Variants in WWOX observed in about 807,000 individuals in gnomAD.
The protein encoded by WWOX is WW domain containing oxidoreductase.
WWOX carries 69 observed loss-of-function variants against 46.2 expected under a neutral mutation model. The observed-to-expected ratio is 1.49, with a 90% CI of 1.23 to 1.82. The LOEUF is 1.82. WWOX is among the 40% of genes most tolerant of loss of function. The pLI, the probability that WWOX is intolerant of heterozygous loss-of-function variation, is 0.00. For synonymous variants in WWOX, 359 were observed against 202.6 expected (o/e 1.77, Z -6.56); for missense variants, 919 against 542.6 (o/e 1.69, Z -6.89).
chr16:78,440,063 C>T (rs1196250121), intron 8 of WWOX, among the ~76,000 whole-genome samples: 1 of 152,204 alleles, frequency 6.6e-6, no homozygotes, highest in East Asian at 1.9e-4. Flanking sequence ...AAGTGCATAA[C>T]TGGCTTTTTG....
At chr16:78,897,082 GA>G (rs200661293) in intron 8 of WWOX, 17 of 138,894 alleles carry the variant, frequency 1.2e-4, no homozygotes, top group Admixed American at 3.6e-4. Context: ...ACAAAAAAAA[GA>G]AAAAAAAAAA....
At chr16:78,361,144 G>T (rs537068728) in intron 5 of WWOX, among the ~76,000 whole-genome samples, 2 of 152,050 alleles carry the variant, frequency 1.3e-5, no homozygotes, top group South Asian at 4.1e-4. Context: ...GTCTTTGATA[G>T]TTGCTTACTT....
chr16:78,182,690 C>T (rs893842781), intron 5 of WWOX, among the ~76,000 whole-genome samples: 9 of 151,988 alleles, frequency 5.9e-5, no homozygotes, highest in African/African-American at 1.7e-4. Flanking sequence ...TGGTGGCTCA[C>T]GCCTGTAATC....
rs867513453 is a variant in WWOX, at chr16:78,388,928, C to G, written c.605+1980C>G. Among the ~76,000 whole-genome samples, 23 of 149,528 alleles carry G rather than the reference C, an allele frequency of 1.5e-4. No individual in the cohort carries two copies. In the Middle Eastern group the frequency reaches 0.014, roughly 90 times the overall value. ...AGGTTGCAGTGAGCTGAGACTGAAC[C>G]AGTGCACTCCAGCCCGGGTGACAAG... On this transcript the variant is annotated intron_variant, in intron 6 of 8. Coordinates refer to ENST00000566780, the MANE Select transcript of WWOX (RefSeq NM_016373.4).
intron 8 of WWOX, among the ~76,000 whole-genome samples, chr16:79,073,551 G>A (rs766559212): frequency 3.9e-5 from 6 of 152,208 alleles, no homozygotes; most frequent in South Asian, 4.1e-4. Context: ...ACAGACAGCC[G>A]TAGACTTTGT....
chr16:78,813,511 A>G (rs985303901), intron 8 of WWOX, among the ~76,000 whole-genome samples: 4 of 152,078 alleles, frequency 2.6e-5, no homozygotes, highest in Non-Finnish European at 5.9e-5. Flanking sequence ...GAGATATATA[A>G]TGATGCCTAT....
At chr16:78,951,553 G>A (rs2046060359) in intron 8 of WWOX, among the ~76,000 whole-genome samples, 1 of 152,162 alleles carries the variant, frequency 6.6e-6, no homozygotes, top group Admixed American at 6.5e-5. Flanking sequence ...GGGGACATGG[G>A]TATTAAAAAG....
At chr16:78,668,321 C>T (rs73565284) in intron 8 of WWOX, among the ~76,000 whole-genome samples, 56 of 152,208 alleles carry the variant, frequency 3.7e-4, no homozygotes, top group African/African-American at 1.1e-3. Flanking sequence ...CTCTCATACC[C>T]CCACGCCTGT....
intron 8 of WWOX, among the ~76,000 whole-genome samples, chr16:79,184,485 A>G (rs1006370738): frequency 1.3e-5 from 2 of 152,090 alleles, no homozygotes; most frequent in African/African-American, 4.8e-5. Context: ...CTGCAGACTG[A>G]CCAAAAGCAC....
At chr16:78,824,155 A>T (rs1281255011) in intron 8 of WWOX, among the ~76,000 whole-genome samples, 1 of 152,184 alleles carries the variant, frequency 6.6e-6, no homozygotes. Flanking sequence ...TTGATTTTAA[A>T]CGATCTTTAG....
chr16:78,103,625 G>T (rs1446528680), intron 1 of WWOX, among the ~76,000 whole-genome samples: 2 of 152,108 alleles, frequency 1.3e-5, no homozygotes, highest in African/African-American at 4.8e-5. Flanking sequence ...TTTCTTTTCA[G>T]TTTTAATTTT....
chr16:78,332,576 ATTTATATAG>A (rs1456491086), intron 5 of WWOX, among the ~76,000 whole-genome samples: 1 of 152,196 alleles, frequency 6.6e-6, no homozygotes, highest in African/African-American at 2.4e-5. Context: ...CACCCCAAGT[ATTTATATAG>A]TTCAATTAAG....
At chr16:79,044,179 G>A (rs1396043883) in intron 8 of WWOX, among the ~76,000 whole-genome samples, 3 of 152,164 alleles carry the variant, frequency 2.0e-5, no homozygotes, top group African/African-American at 7.2e-5. Context: ...TCAGGGAGGA[G>A]TCTTCAGGCC....
At chr16:78,984,611 C>G (rs1305280201) in intron 8 of WWOX, among the ~76,000 whole-genome samples, 1 of 152,208 alleles carries the variant, frequency 6.6e-6, no homozygotes, top group Non-Finnish European at 1.5e-5. Context: ...CATACTTCTA[C>G]TCAAGTAAGT....
chr16:78,769,842 A>G (rs1489318421), intron 8 of WWOX, among the ~76,000 whole-genome samples: 1 of 151,328 alleles, frequency 6.6e-6, no homozygotes, highest in Admixed American at 6.6e-5. Context: ...TCCTGTCTCT[A>G]CAAAAAATAA....
chr16:78,148,817 G>C (rs918066009), intron 4 of WWOX, among the ~76,000 whole-genome samples: 1 of 139,508 alleles, frequency 7.2e-6, no homozygotes, highest in African/African-American at 2.6e-5. Context: ...AGAATGGCGT[G>C]AACCTGGGAG....
At chr16:78,880,874 T>G (rs1365973883) in intron 8 of WWOX, among the ~76,000 whole-genome samples, 1 of 152,172 alleles carries the variant, frequency 6.6e-6, no homozygotes, top group Non-Finnish European at 1.5e-5. Flanking sequence ...CCTTCTTGTC[T>G]ATGATATCAG....
chr16:79,182,547 T>A (rs548116957), intron 8 of WWOX, among the ~76,000 whole-genome samples: 1 of 152,148 alleles, frequency 6.6e-6, no homozygotes, highest in African/African-American at 2.4e-5. Flanking sequence ...CGGGGCCTGT[T>A]ATAATGGGGT....
chr16:78,784,683 C>T (rs1273653038), intron 8 of WWOX, among the ~76,000 whole-genome samples: 1 of 152,104 alleles, frequency 6.6e-6, no homozygotes, highest in Non-Finnish European at 1.5e-5. Flanking sequence ...CAGTGGTTCC[C>T]AATGTTACTG....
Sources: allele counts gnomAD v4.1 joint callset (sites outside exome capture counted in the v4.1 genomes callset), GRCh38; gene constraint gnomAD v4.1.1; transcripts MANE v1.5; gene names NCBI Gene and HGNC (gene_info 2026-07-23, HGNC 2026-07-21).